Variants in DGKB observed in about 807,000 individuals in gnomAD.
DGKB encodes the protein diacylglycerol kinase beta.
In DGKB, 67 loss-of-function variants were observed where a neutral mutation model predicts 114.3. That is an observed-to-expected ratio of 0.59 (90% CI 0.48 to 0.72). DGKB has a LOEUF of 0.72. DGKB is among the 30% of genes least tolerant of loss of function. DGKB has a pLI of 0.00. For missense variants in DGKB, 907 were observed against 975.2 expected (o/e 0.93, Z 0.93); for synonymous variants, 398 against 323.1 (o/e 1.23, Z -2.49).
chr7:14,969,414 A>C (rs1443609484), intron 1 of DGKB, among the ~76,000 whole-genome samples: 2 of 152,184 alleles, frequency 1.3e-5, no homozygotes. Flanking sequence ...GTACTCATAC[A>C]AACCTAGATG....
intron 1 of DGKB, among the ~76,000 whole-genome samples, chr7:14,950,070 G>A (rs1786100841): frequency 6.6e-6 from 1 of 151,436 alleles, no homozygotes; most frequent in Non-Finnish European, 1.5e-5. Context: ...CCTGCACATT[G>A]TGCACATGTA....
intron 23 of DGKB, chr7:14,191,040 A>C (rs1191041097): frequency 6.5e-6 from 1 of 154,688 alleles, no homozygotes; most frequent in Non-Finnish European, 1.5e-5. Flanking sequence ...GAAATTTGAG[A>C]CCAGCAGTTA....
chr7:14,435,540 A>T (rs1477380220), intron 21 of DGKB, among the ~76,000 whole-genome samples: 2 of 152,124 alleles, frequency 1.3e-5, no homozygotes, highest in Non-Finnish European at 2.9e-5. Flanking sequence ...TAGCAAGATA[A>T]CAGATAATAA....
At position 14,790,399 on chromosome 7, in the gene DGKB, AT is replaced by A. The variant is rs1326974944; in HGVS notation, c.71-32669del. Among the ~76,000 whole-genome samples the A allele has an allele frequency of 5.9e-5, 9 of 152,042 alleles. No individual in the cohort carries two copies. In the East Asian group the frequency reaches 1.4e-3, roughly 23 times the overall value. On this transcript the variant is annotated intron_variant, in intron 2 of 25. Coordinates refer to ENST00000402815, the MANE Select transcript of DGKB (RefSeq NM_001350709.2). Reference sequence around the variant, plus strand: ...TCCCAAAGATTTTCTTTTATGTTACATTTTTTTCACCCAAAAACTGTTCAGT... The same window carrying A: ...TCCCAAAGATTTTCTTTTATGTTACATTTTTTCACCCAAAAACTGTTCAGT...
intron 16 of DGKB, among the ~76,000 whole-genome samples, chr7:14,607,894 C>T (rs1408551334): frequency 6.6e-6 from 1 of 151,678 alleles, no homozygotes; most frequent in Non-Finnish European, 1.5e-5. Flanking sequence ...TCAGTAAATC[C>T]TTGTGAATAA....
chr7:14,632,057 G>A (rs1171229079), intron 13 of DGKB, among the ~76,000 whole-genome samples: 1 of 151,976 alleles, frequency 6.6e-6, no homozygotes, highest in African/African-American at 2.4e-5. Flanking sequence ...GCACTGGAAA[G>A]CCAAGTGAAA....
intron 15 of DGKB, among the ~76,000 whole-genome samples, chr7:14,616,799 A>T (rs1806622041): frequency 1.3e-5 from 2 of 151,762 alleles, no homozygotes; most frequent in Admixed American, 6.6e-5. Context: ...GTTAAACAAT[A>T]CTTGAGATAC....
chr7:14,289,061 G>A (rs1801330588), intron 23 of DGKB, among the ~76,000 whole-genome samples: 1 of 152,144 alleles, frequency 6.6e-6, no homozygotes, highest in Non-Finnish European at 1.5e-5. Context: ...TGTAAGAACA[G>A]ATTTCTCCTA....
At chr7:14,607,770 G>A (rs1804786599) in intron 16 of DGKB, among the ~76,000 whole-genome samples, 2 of 151,830 alleles carry the variant, frequency 1.3e-5, no homozygotes, top group Admixed American at 1.3e-4. Flanking sequence ...TCCTTAATAT[G>A]CACATACATT....
At chr7:14,241,028 G>C (rs985217022) in intron 23 of DGKB, among the ~76,000 whole-genome samples, 1 of 152,054 alleles carries the variant, frequency 6.6e-6, no homozygotes, top group African/African-American at 2.4e-5. Flanking sequence ...ATGCCAGCTA[G>C]AGGTTGGAAA....
At chr7:14,852,279 AGT>A (rs143744648) in intron 1 of DGKB, among the ~76,000 whole-genome samples, 16,810 of 149,554 alleles carry the variant, frequency 0.11, 1,735 homozygotes, top group East Asian at 0.29. Context: ...TGCTGAAAGA[AGT>A]GTGTGTGTGT....
At chr7:14,670,183 C>G (rs915654542) in intron 13 of DGKB, among the ~76,000 whole-genome samples, 5 of 151,882 alleles carry the variant, frequency 3.3e-5, no homozygotes, top group Admixed American at 2.0e-4. Context: ...TAACCATCTC[C>G]TCACATCTCC....
chr7:14,205,272 G>A (rs977769818), intron 23 of DGKB, among the ~76,000 whole-genome samples: 7 of 151,860 alleles, frequency 4.6e-5, no homozygotes, highest in African/African-American at 1.7e-4. Flanking sequence ...AACTGATAAT[G>A]TCTTTCCACC....
At position 14,183,782 on chromosome 7, in the gene DGKB, C is replaced by G. The variant is rs969520369; in HGVS notation, c.2123-5631G>C. ...ACTAACCAATTAAATGTTAACAGTTCTCTTGGATCATCATGGCGGACAGGA... is the reference window on the plus strand; with the variant it reads ...ACTAACCAATTAAATGTTAACAGTTGTCTTGGATCATCATGGCGGACAGGA... On this transcript the variant is annotated intron_variant, in intron 23 of 25. Coordinates refer to ENST00000402815, the MANE Select transcript of DGKB (RefSeq NM_001350709.2). Among the ~76,000 whole-genome samples, 13 of 152,172 alleles carry G rather than the reference C, an allele frequency of 8.5e-5. No individual in the cohort carries two copies. In the East Asian group the frequency reaches 2.5e-3, roughly 29 times the overall value.
chr7:14,907,388 G>T (rs1157254085), upstream of DGKB, among the ~76,000 whole-genome samples: 2 of 152,088 alleles, frequency 1.3e-5, no homozygotes, highest in Non-Finnish European at 2.9e-5. Flanking sequence ...CCATGATTTT[G>T]GGAAAATAAT....
intron 2 of DGKB, among the ~76,000 whole-genome samples, chr7:14,771,572 G>A (rs1837417218): frequency 6.6e-6 from 1 of 151,970 alleles, no homozygotes; most frequent in Admixed American, 6.6e-5. Flanking sequence ...TTTCTATGGG[G>A]TCTAGGGAAT....
intron 1 of DGKB, among the ~76,000 whole-genome samples, chr7:14,853,888 AAAAAAT>A (rs1469891039): frequency 1.3e-4 from 19 of 149,004 alleles, no homozygotes; most frequent in African/African-American, 4.5e-4. Context: ...AAAAAAAAAA[AAAAAAT>A]TTATCATAAA....
chr7:14,769,891 A>C (rs910522371), intron 2 of DGKB, among the ~76,000 whole-genome samples: 9 of 152,106 alleles, frequency 5.9e-5, no homozygotes, highest in African/African-American at 2.2e-4. Context: ...GAAATCCAGG[A>C]TAATCTCATC....
chr7:14,556,713 C>A (rs918835144), intron 20 of DGKB, among the ~76,000 whole-genome samples: 1 of 151,924 alleles, frequency 6.6e-6, no homozygotes. Flanking sequence ...AGATTTTTGT[C>A]CTTAGACATA....
Sources: gnomAD v4.1 joint callset for allele counts (sites outside exome capture counted in the v4.1 genomes callset) on GRCh38, gnomAD v4.1.1 for gene constraint, MANE v1.5 for transcripts, NCBI Gene and HGNC (gene_info 2026-07-23, HGNC 2026-07-21) for gene names.